The following RECQL5 variants were observed in gnomAD, a reference collection of about 807,000 sequenced individuals.
RECQL5 encodes the protein ATP-dependent DNA helicase Q5.
RECQL5 carries 88 observed loss-of-function variants against 103.4 expected under a neutral mutation model. The observed-to-expected ratio is 0.85, with a 90% CI of 0.72 to 1.02. RECQL5 has a LOEUF of 1.02. Ranked by LOEUF, RECQL5 falls within the 50% of genes least tolerant of loss-of-function variation. The pLI is 0.00. For synonymous variants in RECQL5, 552 were observed against 507.9 expected, an observed-to-expected ratio of 1.09 and a Z score of -1.17; for missense variants, 1,232 against 1,284.3, an observed-to-expected ratio of 0.96 and a Z score of 0.62.
rs1292407863 is a variant in RECQL5 at position 75,666,365 on chromosome 17, T to C, written c.130+63A>G. 44 of 1,581,748 alleles carry C rather than the reference T, an allele frequency of 2.8e-5. No homozygotes were observed. In the East Asian group the frequency reaches 8.3e-4, roughly 30 times the overall value. On this transcript the variant is annotated intron_variant, in intron 2 of 19. Coordinates refer to ENST00000317905, the MANE Select transcript of RECQL5 (RefSeq NM_004259.7). ...AGTACGAAGGGTGAGGAGGAGGGTG[T>C]TCTGCCGCAGCGTTATGGTATAGCC...
chr17:75,665,452 G>A (rs1365938877), intron 2 of RECQL5, among the ~76,000 whole-genome samples: 3 of 152,166 alleles, frequency 2.0e-5, no homozygotes, highest in Non-Finnish European at 4.4e-5. Context: ...AGCACTTTGG[G>A]AGGCTAAGGC....
chr17:75,633,081 C>A (rs772658060), intron 8 of RECQL5, among the ~76,000 whole-genome samples: 1 of 152,228 alleles, frequency 6.6e-6, no homozygotes, highest in Admixed American at 6.5e-5. Context: ...CTGGGACAGC[C>A]GAGGCGGCCA....
At chr17:75,646,341 CCAGA>C (rs1328235491) in intron 8 of RECQL5, 1 of 152,330 alleles carries the variant, frequency 6.6e-6, no homozygotes, top group Non-Finnish European at 1.5e-5. Context: ...CACACGTCAC[CCAGA>C]CAGAGGACAG....
chr17:75,647,795 T>C, intron 8 of RECQL5: 1 of 500,462 alleles, frequency 2.0e-6, no homozygotes, highest in Non-Finnish European at 3.6e-6. Flanking sequence ...CCTATTGTTT[T>C]TAGGGTTCCC....
At position 75,652,148 on chromosome 17, in the gene RECQL5, A is replaced by C. The variant is rs1042696053; in HGVS notation, c.1150-883T>G. Among the ~76,000 whole-genome samples the C allele has an allele frequency of 4.6e-5, 7 of 152,162 alleles. No homozygotes were observed. The East Asian group carries it at 1.4e-3, about 29-fold the overall frequency. Reference sequence around the variant, plus strand: ...AGGCTGAGGCAGGAGAATCACTTGAACCCGGGAGGCAGAGGCTGCAGTGAG... The same window carrying C: ...AGGCTGAGGCAGGAGAATCACTTGACCCCGGGAGGCAGAGGCTGCAGTGAG... On this transcript the variant is annotated intron_variant, in intron 7 of 19. Transcript: ENST00000317905.
intron 8 of RECQL5, chr17:75,639,722 C>G (rs2059397772): frequency 6.5e-6 from 1 of 153,958 alleles, no homozygotes; most frequent in South Asian, 2.0e-4. Flanking sequence ...GCCAGAAGCC[C>G]CATGAACCTG....
intron 15 of RECQL5, 81 bp from the exon 16 acceptor site, chr17:75,629,556 A>C: frequency 6.7e-7 from 1 of 1,498,098 alleles, no homozygotes; most frequent in South Asian, 1.4e-5. Context: ...AGTAACTCAC[A>C]TTGGGACGGG....
At position 75,629,212 on chromosome 17, in the gene RECQL5, C is replaced by T; in HGVS notation, c.2211G>A (p.Gly737=). ...SPEKKAKSSS[G]GSSLAKGRAS... is the part of the protein sequence containing the mutation. ...CCCGGCCCTTGGCAAGGGAGCTGCC[C>T]CCAGAGGAACTTTTTGCCTTCTTCT... Residue 737 remains glycine, a synonymous_variant, in exon 16 of 20, where the codon GGG becomes GGA. Transcript: ENST00000317905. 1 of 1,613,314 alleles carries T rather than the reference C, an allele frequency of 6.2e-7. No homozygotes were observed. Among genetic ancestry groups the T allele is most frequent in the Non-Finnish European group, 8.5e-7 (1 of 1,179,904 alleles).
At position 75,627,355 on chromosome 17, in the gene RECQL5, G is replaced by T; in HGVS notation, c.*67C>A. The T allele has an allele frequency of 8.4e-7, 1 of 1,195,086 alleles. No homozygotes were observed. The highest frequency in any genetic ancestry group is 1.2e-6 in the Non-Finnish European group (1 of 805,836). 74.0% of individuals were successfully genotyped at this position (1,195,086 alleles called of 1,614,324 possible). A position where few individuals can be genotyped will look rare whatever the true frequency, so the allele number is the denominator to read the frequency against. On this transcript the variant is annotated 3_prime_UTR_variant, in exon 20 of 20. Coordinates refer to ENST00000317905, the MANE Select transcript of RECQL5 (RefSeq NM_004259.7). ...AAGACGATGGCCCTGGCATCAGCAG[G>T]TGAGGCCCAGGATGACCCATGCTAG...
chr17:75,662,791 G>C lies in RECQL5; in HGVS notation c.459C>G (p.Tyr153Ter). 1 of 1,614,140 alleles carries C rather than the reference G, an allele frequency of 6.2e-7. No homozygotes were observed. Residue 153 changes from tyrosine (Y) to a stop codon, truncating the protein, a stop_gained, in exon 4 of 20, where the codon TAC (tyrosine) becomes TAG (stop). Transcript: ENST00000317905. LOFTEE classifies it high-confidence loss of function. ...NSLVSRHLLS[Y>*]LVVDEAHCVS... ...CACAATGAGCTTCATCCACCACCAA[G>C]TAAGACAGCAGGTGGCGGGACACCA...
At chr17:75,628,606 C>A (rs1040314176) in intron 17 of RECQL5, 66 bp downstream of exon 17, 125 of 1,520,130 alleles carry the variant, frequency 8.2e-5, no homozygotes, top group Non-Finnish European at 1.1e-4. Context: ...TTGAGCAGGG[C>A]ACAACAGCTC....
At position 75,662,965 on chromosome 17, in the gene RECQL5, T is replaced by C. The variant is rs372605629; in HGVS notation, c.285A>G (p.Val95=). The part of the protein sequence containing the change: ...DQVDHLLTLK[V]RVSSLNSKLS... The stretch of plus-strand genomic sequence containing the variant: ...GCTTCGAGTTCAGGGAACTTACTCG[T>C]ACCTTTAGGGTTAGCAAGTGGTCCA... Residue 95 remains valine (V), a synonymous_variant, in exon 4 of 20, where the codon GTA becomes GTG. Transcript: ENST00000317905. 184 of 1,612,396 alleles carry C rather than the reference T, an allele frequency of 1.1e-4. No homozygotes were observed. The highest frequency in any genetic ancestry group is 1.5e-4 in the Non-Finnish European group (180 of 1,179,286).
Position 75,640,931 on chromosome 17 carries a change from G to A in RECQL5, c.1230-9263C>T. 1 of 1,537,076 alleles carries A rather than the reference G, an allele frequency of 6.5e-7. No individual in the cohort carries two copies. Among genetic ancestry groups the A allele is most frequent in the Non-Finnish European group, 8.7e-7 (1 of 1,145,410 alleles). ...CGATGGCTGAGGAGAAGCTGGAGAG[G>A]AGATGGCCAATGCCATGACACAGGC... On this transcript the variant is annotated intron_variant, in intron 8 of 19. Coordinates refer to ENST00000317905, the MANE Select transcript of RECQL5 (RefSeq NM_004259.7). This position sits in a 1 kb window ranked among gnomAD's most constrained non-coding sequence, Gnocchi z 4.6.
chr17:75,629,710 A>G lies in RECQL5; in HGVS notation c.1945T>C (p.Ser649Pro). Reference sequence around the variant, plus strand: ...GAGGCCACTGGGCCACAGCTCACCGAGTACACATGGGAGGCTGGTGGAATG... The same window carrying G: ...GAGGCCACTGGGCCACAGCTCACCGGGTACACATGGGAGGCTGGTGGAATG... The part of the protein sequence containing the change: ...YDIPPASHVY[S>P]LKPKRVGAGF... The change falls in exon 15 of 20, where the codon TCG becomes CCG. Residue 649 changes from serine (S) to proline (P), a missense_variant and splice_region_variant. Transcript: ENST00000317905. 6.2e-7 allele frequency: 1 copy of G among 1,608,072 alleles called. No homozygotes were observed.
intron 7 of RECQL5, among the ~76,000 whole-genome samples, chr17:75,656,054 T>C (rs992918262): frequency 2.0e-5 from 3 of 152,158 alleles, no homozygotes; most frequent in African/African-American, 7.2e-5. Context: ...CCTGGCCATA[T>C]ATTCAAAGCA....
At chr17:75,642,906 C>T (rs907985326) in intron 8 of RECQL5, among the ~76,000 whole-genome samples, 3 of 152,212 alleles carry the variant, frequency 2.0e-5, no homozygotes, top group Non-Finnish European at 4.4e-5. Flanking sequence ...CTTACCACAC[C>T]CAGGGCTCTG....
chr17:75,641,792 T>C (rs1284817387), intron 8 of RECQL5, among the ~76,000 whole-genome samples: 1 of 152,210 alleles, frequency 6.6e-6, no homozygotes, highest in Non-Finnish European at 1.5e-5. Flanking sequence ...AAGGCCCTAA[T>C]GTCACCTGTA....
chr17:75,662,851 T>TGCCATCTCTGGG lies in RECQL5; in HGVS notation c.387_398dup (p.Pro130_Ala133dup). 6.2e-7 allele frequency: 1 copy of TGCCATCTCTGGG among 1,614,172 alleles called. No individual in the cohort carries two copies. Among genetic ancestry groups the TGCCATCTCTGGG allele is most frequent in the African/African-American group, 1.3e-5 (1 of 75,066 alleles). On this transcript the variant is annotated inframe_insertion, in exon 4 of 20. Coordinates refer to ENST00000317905, the MANE Select transcript of RECQL5 (RefSeq NM_004259.7). Reference sequence around the variant, plus strand: ...GGGTGGGCTGGAAGGAGGATGAAGCTGCCATCTCTGGGGTGATGTACAGAA... The same window carrying TGCCATCTCTGGG: ...GGGTGGGCTGGAAGGAGGATGAAGCTGCCATCTCTGGGGCCATCTCTGGGGTGATGTACAGAA...
At chr17:75,641,496 T>C in intron 8 of RECQL5, 1 of 152,718 alleles carries the variant, frequency 6.5e-6, no homozygotes, top group Non-Finnish European at 1.5e-5. Context: ...GCCTCTGCTC[T>C]CCCTGTGCCC....
Sources: gnomAD v4.1 joint callset for allele counts (sites outside exome capture counted in the v4.1 genomes callset) on GRCh38, gnomAD v4.1.1 for gene constraint, Gnocchi (gnomAD v3.1) non-coding constraint, MANE v1.5 for transcripts, NCBI Gene and HGNC (gene_info 2026-07-23, HGNC 2026-07-21) for gene names.